The following FRMD6 variants were observed in gnomAD, a reference collection of about 807,000 sequenced individuals.
FRMD6 encodes the protein FERM domain-containing protein 6.
FRMD6 carries 37 observed loss-of-function variants against 73.2 expected under a neutral mutation model. The observed-to-expected ratio is 0.51, with a 90% CI of 0.39 to 0.66. The LOEUF (loss-of-function observed/expected upper bound fraction) is 0.66. Among genes scored for constraint, FRMD6 ranks in the 30% least tolerant of loss-of-function variants. FRMD6 has a pLI of 0.00. For missense variants in FRMD6, 714 were observed against 780.5 expected, an observed-to-expected ratio of 0.91 and a Z score of 1.02; for synonymous variants, 273 against 282.2, an observed-to-expected ratio of 0.97 and a Z score of 0.33.
chr14:51,551,649 A>G (rs979101948), intron 1 of FRMD6, among the ~76,000 whole-genome samples: 1 of 152,130 alleles, frequency 6.6e-6, no homozygotes. Flanking sequence ...AGGTGGAAGG[A>G]TGGCTTGAGC....
intron 2 of FRMD6, among the ~76,000 whole-genome samples, chr14:51,603,009 A>G (rs533397800): frequency 1.3e-5 from 2 of 152,338 alleles, no homozygotes; most frequent in East Asian, 3.9e-4. Flanking sequence ...CCAAGGTATT[A>G]GGTGATGGGG....
the FRMD6 span, among the ~76,000 whole-genome samples, chr14:51,459,359 T>A: frequency 6.6e-6 from 1 of 152,212 alleles, no homozygotes; most frequent in Non-Finnish European, 1.5e-5. Context: ...CCTCCCTCAC[T>A]AACTTCTTGC....
intron 4 of FRMD6, among the ~76,000 whole-genome samples, 170 bp downstream of exon 4, chr14:51,701,329 C>T (rs1423996334): frequency 7.3e-6 from 1 of 136,326 alleles, no homozygotes; most frequent in Admixed American, 7.8e-5. Flanking sequence ...TATATATACA[C>T]TTTAGAACTT....
the FRMD6 span, among the ~76,000 whole-genome samples, chr14:51,419,326 T>C: frequency 6.6e-6 from 1 of 152,184 alleles, no homozygotes; most frequent in Non-Finnish European, 1.5e-5. Context: ...ATTTTTGTAT[T>C]TTTAATAGAG....
At chr14:51,496,351 T>C (rs1234402658) in intron 1 of FRMD6, among the ~76,000 whole-genome samples, 1 of 152,234 alleles carries the variant, frequency 6.6e-6, no homozygotes, top group Non-Finnish European at 1.5e-5. Flanking sequence ...GATTTCTTGT[T>C]TCTCACACTT....
At chr14:51,439,871 A>G in the FRMD6 span, among the ~76,000 whole-genome samples, 1 of 152,226 alleles carries the variant, frequency 6.6e-6, no homozygotes, top group Non-Finnish European at 1.5e-5. Context: ...TCTTCCAGGA[A>G]TATGCCCACT....
chr14:51,494,915 C>T (rs1596491846), intron 1 of FRMD6, among the ~76,000 whole-genome samples: 1 of 152,210 alleles, frequency 6.6e-6, no homozygotes, highest in African/African-American at 2.4e-5. Context: ...TGTTTTCTCC[C>T]AAATATACGT....
the FRMD6 span, among the ~76,000 whole-genome samples, chr14:51,437,717 T>C: frequency 6.6e-6 from 1 of 152,242 alleles, no homozygotes; most frequent in African/African-American, 2.4e-5. Context: ...CTCTTTTCTC[T>C]ACACCATGGT....
the FRMD6 span, among the ~76,000 whole-genome samples, chr14:51,474,099 A>G: frequency 6.6e-6 from 1 of 152,230 alleles, no homozygotes; most frequent in African/African-American, 2.4e-5. Context: ...ATAGATAAGC[A>G]GGGGTTTGAA....
chr14:51,554,961 C>A (rs942035125), intron 1 of FRMD6, among the ~76,000 whole-genome samples: 25 of 152,152 alleles, frequency 1.6e-4, no homozygotes, highest in African/African-American at 5.1e-4. Context: ...GTGCTATTTT[C>A]ACAATTTTTC....
chr14:51,424,738 G>C, the FRMD6 span, among the ~76,000 whole-genome samples: 1 of 152,222 alleles, frequency 6.6e-6, no homozygotes, highest in Non-Finnish European at 1.5e-5. Context: ...ATGTAAAAAA[G>C]TTGGTGTGTA....
chr14:51,412,577 C>T, the FRMD6 span, among the ~76,000 whole-genome samples: 13 of 152,092 alleles, frequency 8.5e-5, no homozygotes, highest in African/African-American at 1.4e-4. Context: ...ACAGGCCGGG[C>T]GCGGTGGCTC....
chr14:51,580,514 C>T (rs1354419112), intron 2 of FRMD6, among the ~76,000 whole-genome samples: 1 of 152,120 alleles, frequency 6.6e-6, no homozygotes, highest in African/African-American at 2.4e-5. Flanking sequence ...AAATAGTTTG[C>T]ACAAGATCAC....
At chr14:51,649,358 C>T (rs958200581), upstream of FRMD6, among the ~76,000 whole-genome samples, 30 of 152,104 alleles carry the variant, frequency 2.0e-4, no homozygotes, top group Non-Finnish European at 4.0e-4. Context: ...AACAAGCCCA[C>T]TCTTAAACAC....
At chr14:51,659,054 C>G (rs1348400875) in intron 1 of FRMD6, among the ~76,000 whole-genome samples, 1 of 152,098 alleles carries the variant, frequency 6.6e-6, no homozygotes, top group African/African-American at 2.4e-5. Context: ...ATAGCGTAAT[C>G]CGTATTGAAG....
chr14:51,535,197 T>C (rs1885811152), intron 1 of FRMD6, among the ~76,000 whole-genome samples: 1 of 152,208 alleles, frequency 6.6e-6, no homozygotes, highest in South Asian at 2.1e-4. Context: ...AAATAGCTTA[T>C]TGAAATATAA....
the FRMD6 span, among the ~76,000 whole-genome samples, chr14:51,407,340 A>G: frequency 0.014 from 2,055 of 152,090 alleles, 26 homozygotes; most frequent in African/African-American, 0.034. Flanking sequence ...CATAAAATGA[A>G]ATGGAAGGTA....
chr14:51,661,828 T>C (rs773968119), intron 1 of FRMD6, among the ~76,000 whole-genome samples: 12 of 152,234 alleles, frequency 7.9e-5, no homozygotes, highest in African/African-American at 1.2e-4. Context: ...TAACTATTAC[T>C]TGTAATTCAG....
chr14:51,548,786 G>C (rs1310507786), intron 1 of FRMD6, among the ~76,000 whole-genome samples: 1 of 152,140 alleles, frequency 6.6e-6, no homozygotes, highest in Admixed American at 6.6e-5. Flanking sequence ...GTGTTCAGAA[G>C]TCCATACTTA....
Sources: allele counts gnomAD v4.1 joint callset (sites outside exome capture counted in the v4.1 genomes callset), GRCh38; gene constraint gnomAD v4.1.1; transcripts MANE v1.5; gene names NCBI Gene and HGNC (gene_info 2026-07-23, HGNC 2026-07-21).